The following AEBP2 variants were observed in gnomAD, a reference collection of about 807,000 sequenced individuals.
The protein encoded by AEBP2 is AE binding protein 2.
A neutral mutation model predicts 50.8 loss-of-function variants in AEBP2; 10 were observed. The observed-to-expected ratio is 0.20, with a 90% CI of 0.12 to 0.33. The LOEUF (loss-of-function observed/expected upper bound fraction) is 0.33. AEBP2 is among the 10% of genes least tolerant of loss of function. The pLI, the probability that AEBP2 is intolerant of heterozygous loss-of-function variation, is 1.00. For missense variants in AEBP2, 570 were observed against 688.0 expected (o/e 0.83, Z 1.92); for synonymous variants, 296 against 261.3 (o/e 1.13, Z -1.28).
intron 3 of AEBP2, among the ~76,000 whole-genome samples, chr12:19,491,488 A>G (rs939403802): frequency 3.9e-5 from 6 of 152,126 alleles, no homozygotes; most frequent in Non-Finnish European, 8.8e-5. Flanking sequence ...TGTAGTATCT[A>G]TATCTTATTC....
At chr12:19,416,147 A>G (rs1565694980) in intron 1 of AEBP2, among the ~76,000 whole-genome samples, 1 of 152,164 alleles carries the variant, frequency 6.6e-6, no homozygotes, top group African/African-American at 2.4e-5. Flanking sequence ...GCGTTGCCGT[A>G]CTCCAGCTTT....
chr12:19,497,688 T>G (rs1384485445), intron 4 of AEBP2, among the ~76,000 whole-genome samples: 2 of 152,234 alleles, frequency 1.3e-5, no homozygotes, highest in Non-Finnish European at 2.9e-5. Context: ...GGCCACCAAG[T>G]CTCAAACTCC....
intron 1 of AEBP2, chr12:19,413,135 C>A: frequency 1.4e-6 from 1 of 717,154 alleles, no homozygotes; most frequent in Non-Finnish European, 2.6e-6. Context: ...TTTGTTCTGA[C>A]CCAAGTTTAG....
chr12:19,473,096 C>T (rs1948594425), intron 2 of AEBP2, among the ~76,000 whole-genome samples, 152 bp from the exon 3 acceptor site: 2 of 151,940 alleles, frequency 1.3e-5, no homozygotes, highest in African/African-American at 4.8e-5. Flanking sequence ...GATGTTTTGA[C>T]AGTTTATGTA....
chr12:19,491,184 G>A (rs1948891172), intron 3 of AEBP2, among the ~76,000 whole-genome samples: 1 of 152,008 alleles, frequency 6.6e-6, no homozygotes, highest in African/African-American at 2.4e-5. Flanking sequence ...ATTATTTCTT[G>A]GTACTCAAAA....
chr12:19,458,501 A>G (rs1218186120), intron 1 of AEBP2, among the ~76,000 whole-genome samples: 2 of 152,282 alleles, frequency 1.3e-5, no homozygotes, highest in East Asian at 3.9e-4. Flanking sequence ...TAACATTTAC[A>G]TTATGTTGTC....
intron 3 of AEBP2, among the ~76,000 whole-genome samples, chr12:19,481,741 A>G (rs1371461232): frequency 6.6e-6 from 1 of 152,088 alleles, no homozygotes; most frequent in East Asian, 1.9e-4. Flanking sequence ...AGCCTCCCAC[A>G]GTGCTGGGAT....
chr12:19,438,828 T>C (rs975411607), upstream of AEBP2, among the ~76,000 whole-genome samples: 6 of 152,188 alleles, frequency 3.9e-5, no homozygotes, highest in Admixed American at 1.3e-4. Context: ...AAAATGGATA[T>C]TAGTGGGTGT....
chr12:19,500,955 T>A (rs768047569), intron 5 of AEBP2, among the ~76,000 whole-genome samples: 1 of 152,246 alleles, frequency 6.6e-6, no homozygotes, highest in Non-Finnish European at 1.5e-5. Context: ...TGTAGTTTGG[T>A]GTAATTAAGT....
intron 1 of AEBP2, among the ~76,000 whole-genome samples, chr12:19,409,280 AG>A (rs2095738001): frequency 6.6e-6 from 1 of 152,130 alleles, no homozygotes; most frequent in Admixed American, 6.6e-5. Flanking sequence ...GCATTATATT[AG>A]GCATAACTAT....
chr12:19,485,333 T>C (rs929733681), intron 3 of AEBP2, among the ~76,000 whole-genome samples: 2 of 152,120 alleles, frequency 1.3e-5, no homozygotes, highest in African/African-American at 4.8e-5. Flanking sequence ...ACATGAATCA[T>C]AGGAATTATT....
At chr12:19,490,918 A>G (rs994849074) in intron 3 of AEBP2, among the ~76,000 whole-genome samples, 3 of 152,234 alleles carry the variant, frequency 2.0e-5, no homozygotes, top group African/African-American at 7.2e-5. Context: ...CAACATTGTG[A>G]ATACACTAAA....
At chr12:19,477,246 G>A (rs960053084) in intron 3 of AEBP2, among the ~76,000 whole-genome samples, 1 of 152,124 alleles carries the variant, frequency 6.6e-6, no homozygotes, top group African/African-American at 2.4e-5. Context: ...CATATCGTCA[G>A]CAAACAGCGA....
intron 3 of AEBP2, among the ~76,000 whole-genome samples, chr12:19,488,727 C>A (rs528897686): frequency 6.6e-6 from 1 of 151,584 alleles, no homozygotes; most frequent in Admixed American, 6.6e-5. Context: ...TAAATTTGTT[C>A]GGAAAAAGAA....
rs1028908898 is a variant in AEBP2, at chr12:19,521,507, G to T, written c.*3390G>T. 6.6e-6 allele frequency: 1 copy of T among 152,068 alleles called. No homozygotes were observed. The highest frequency in any genetic ancestry group is 1.5e-5 in the Non-Finnish European group (1 of 67,992). 9.4% of individuals were successfully genotyped at this position (152,068 alleles called of 1,614,324 possible). A position where few individuals can be genotyped will look rare whatever the true frequency, so the allele number is the denominator to read the frequency against. ...CTAAAAGAATCTTAAGGTGGAAATA[G>T]TGTAAAATTTAAAATTTTTTATATT... is the stretch of plus-strand genomic sequence containing the variant. On this transcript the variant is annotated 3_prime_UTR_variant, in exon 8 of 8. Transcript: ENST00000266508.
chr12:19,404,452 C>T (rs117204802), intron 1 of AEBP2, among the ~76,000 whole-genome samples: 1 of 152,296 alleles, frequency 6.6e-6, no homozygotes, highest in East Asian at 1.9e-4. Context: ...TTCTACTTCA[C>T]AGTGTAGGGT....
rs1008797883 is a variant in AEBP2 at position 19,472,217 on chromosome 12, A to G, written c.880-1031A>G. ...GAAGAAAGATTCTTCAGTTCTTTGT[A>G]TATCTTTCTTGTGTTCTATATGTAT... On this transcript the variant is annotated intron_variant, in intron 2 of 7. Transcript: ENST00000266508. Among the ~76,000 whole-genome samples the G allele has an allele frequency of 9.2e-5, 14 of 152,260 alleles. No individual in the cohort carries two copies. In the East Asian group the frequency reaches 2.5e-3, roughly 27 times the overall value.
At chr12:19,447,805 T>C (rs1948100143) in intron 1 of AEBP2, among the ~76,000 whole-genome samples, 1 of 152,212 alleles carries the variant, frequency 6.6e-6, no homozygotes. Flanking sequence ...GCAAATTGTT[T>C]ATTTCTGTGA....
intron 1 of AEBP2, among the ~76,000 whole-genome samples, chr12:19,408,408 A>G (rs1212251731): frequency 6.6e-6 from 1 of 151,864 alleles, no homozygotes; most frequent in East Asian, 1.9e-4. Context: ...AATACAACAA[A>G]AAATTAGCTG....
Sources: allele counts gnomAD v4.1 joint callset (sites outside exome capture counted in the v4.1 genomes callset), GRCh38; gene constraint gnomAD v4.1.1; transcripts MANE v1.5; gene names NCBI Gene and HGNC (gene_info 2026-07-23, HGNC 2026-07-21).